SLC25A21: variants seen among roughly 807,000 people sequenced by gnomAD.
SLC25A21 encodes the protein solute carrier family 25 member 21.
In SLC25A21, 47 loss-of-function variants were observed where a neutral mutation model predicts 43.8. The ratio of observed to expected loss-of-function variants is 1.07; its 90% CI spans 0.85 to 1.37. The LOEUF (loss-of-function observed/expected upper bound fraction) is 1.37, where lower values mean the gene tolerates loss of function less well. SLC25A21 is among the 40% of genes most tolerant of loss of function. The pLI, the probability that SLC25A21 is intolerant of heterozygous loss-of-function variation, is 0.00. For missense variants in SLC25A21, 352 were observed against 350.2 expected (o/e 1.00, Z -0.04); for synonymous variants, 131 against 121.3 (o/e 1.08, Z -0.52).
intron 1 of SLC25A21, among the ~76,000 whole-genome samples, chr14:37,153,275 G>A (rs1963789974): frequency 1.3e-5 from 2 of 152,184 alleles, no homozygotes; most frequent in Non-Finnish European, 2.9e-5. Context: ...CTCATAAACT[G>A]CACACTGTCC....
chr14:36,816,033 T>C (rs1395565677), intron 2 of SLC25A21, among the ~76,000 whole-genome samples: 1 of 152,228 alleles, frequency 6.6e-6, no homozygotes, highest in Non-Finnish European at 1.5e-5. Flanking sequence ...AGAATTATGC[T>C]ACAAACTGAC....
At chr14:36,997,781 T>C (rs367591329) in intron 1 of SLC25A21, among the ~76,000 whole-genome samples, 18 of 151,554 alleles carry the variant, frequency 1.2e-4, no homozygotes, top group African/African-American at 4.4e-4. Flanking sequence ...GATTGCACCA[T>C]TGCACTGCAG....
intron 1 of SLC25A21, among the ~76,000 whole-genome samples, chr14:36,910,523 T>A (rs1891659916): frequency 6.6e-6 from 1 of 152,086 alleles, no homozygotes; most frequent in Admixed American, 6.6e-5. Flanking sequence ...AAAAAAATAG[T>A]GCCTGGAATT....
chr14:36,737,409 CT>C (rs1885086495), intron 3 of SLC25A21, among the ~76,000 whole-genome samples: 1 of 152,176 alleles, frequency 6.6e-6, no homozygotes, highest in Non-Finnish European at 1.5e-5. Flanking sequence ...ATGTGCCCTA[CT>C]TCCCTTCTCT....
At chr14:36,792,964 C>T (rs1887541723) in intron 3 of SLC25A21, among the ~76,000 whole-genome samples, 1 of 152,154 alleles carries the variant, frequency 6.6e-6, no homozygotes, top group South Asian at 2.1e-4. Context: ...ATCTCTTCCT[C>T]AAACATCCCT....
chr14:36,773,382 T>TA (rs1886698689), intron 3 of SLC25A21, among the ~76,000 whole-genome samples: 1 of 152,158 alleles, frequency 6.6e-6, no homozygotes, highest in Admixed American at 6.5e-5. Flanking sequence ...TTATAACTGA[T>TA]AAGCCACAAC....
chr14:36,684,972 C>T (rs1439235045), intron 7 of SLC25A21, 47 bp from the exon 8 acceptor site: 3 of 1,515,802 alleles, frequency 2.0e-6, no homozygotes, highest in Non-Finnish European at 2.7e-6. Context: ...GCGGAAGCCC[C>T]TAAATCAGTT....
At chr14:36,869,273 G>A (rs538341948) in intron 2 of SLC25A21, among the ~76,000 whole-genome samples, 1 of 152,282 alleles carries the variant, frequency 6.6e-6, no homozygotes, top group African/African-American at 2.4e-5. Flanking sequence ...TACTCAGAGT[G>A]GGTGTATTCT....
At chr14:36,818,669 ACTTATTCTGAT>A (rs2138455637) in intron 2 of SLC25A21, among the ~76,000 whole-genome samples, 2 of 152,308 alleles carry the variant, frequency 1.3e-5, no homozygotes, top group South Asian at 4.1e-4. Context: ...ATTACACATG[ACTTATTCTGAT>A]CACAGAGTTA....
chr14:36,943,898 C>T (rs1892624481), intron 1 of SLC25A21, among the ~76,000 whole-genome samples: 1 of 151,996 alleles, frequency 6.6e-6, no homozygotes, highest in Non-Finnish European at 1.5e-5. Flanking sequence ...TTCCCTGTAA[C>T]AAGTTTAATT....
chr14:37,020,753 G>A (rs953050498), intron 1 of SLC25A21, among the ~76,000 whole-genome samples: 3 of 151,798 alleles, frequency 2.0e-5, no homozygotes, highest in African/African-American at 4.8e-5. Flanking sequence ...TTGAAAAAGG[G>A]CAGACCTAAC....
At chr14:36,847,947 A>C (rs1889598371) in intron 2 of SLC25A21, among the ~76,000 whole-genome samples, 1 of 152,160 alleles carries the variant, frequency 6.6e-6, no homozygotes, top group Admixed American at 6.5e-5. Flanking sequence ...CCAACAGTGG[A>C]AGGGGGGCCC....
At chr14:36,813,233 A>T (rs1479263360) in intron 3 of SLC25A21, among the ~76,000 whole-genome samples, 1 of 152,146 alleles carries the variant, frequency 6.6e-6, no homozygotes, top group Non-Finnish European at 1.5e-5. Flanking sequence ...CTTCCAACAG[A>T]CACACGCACA....
chr14:36,704,737 A>G (rs1165295261), intron 7 of SLC25A21, among the ~76,000 whole-genome samples: 1 of 152,086 alleles, frequency 6.6e-6, no homozygotes, highest in Non-Finnish European at 1.5e-5. Context: ...GCATTACATG[A>G]TACAGTCGAA....
At chr14:36,862,816 TC>T (rs1184453246) in intron 2 of SLC25A21, among the ~76,000 whole-genome samples, 10 of 152,176 alleles carry the variant, frequency 6.6e-5, no homozygotes, top group African/African-American at 9.7e-5. Flanking sequence ...TAGAAAAATA[TC>T]CCGTTTGTTT....
At chr14:36,892,085 T>C (rs2138583966) in intron 1 of SLC25A21, among the ~76,000 whole-genome samples, 1 of 152,222 alleles carries the variant, frequency 6.6e-6, no homozygotes, top group Non-Finnish European at 1.5e-5. Flanking sequence ...CCAAACATAG[T>C]TTGTCAGACA....
intron 1 of SLC25A21, among the ~76,000 whole-genome samples, chr14:36,970,309 G>A (rs932072749): frequency 1.3e-5 from 2 of 152,046 alleles, no homozygotes; most frequent in Non-Finnish European, 2.9e-5. Flanking sequence ...AACCAGAATA[G>A]GTGCTCAAGA....
intron 1 of SLC25A21, among the ~76,000 whole-genome samples, chr14:36,971,493 G>T (rs1036113026): frequency 6.6e-6 from 1 of 151,998 alleles, no homozygotes; most frequent in Non-Finnish European, 1.5e-5. Context: ...AGCCTTTCCT[G>T]CGTCCTATGT....
rs61994921 is a variant in SLC25A21 at position 36,679,011 on chromosome 14, C to A, written c.*1647G>T. ...TATCTCATAGATGGTAAAAGTGTTG[C>A]TTTTAAACTGGCAAATGCACTCTTC... On this transcript the variant is annotated 3_prime_UTR_variant, in exon 10 of 10. Coordinates refer to ENST00000331299, the MANE Select transcript of SLC25A21 (RefSeq NM_030631.4). The A allele has an allele frequency of 0.14, 134,669 of 950,152 alleles. 10,001 individuals carry two copies. The highest frequency in any genetic ancestry group is 0.34 in the Admixed American group (4,990 of 14,730). 58.9% of individuals were successfully genotyped at this position (950,152 alleles called of 1,614,324 possible). A position where few individuals can be genotyped will look rare whatever the true frequency, so the allele number is the denominator to read the frequency against.
Sources: gnomAD v4.1 joint callset for allele counts (sites outside exome capture counted in the v4.1 genomes callset) on GRCh38, gnomAD v4.1.1 for gene constraint, MANE v1.5 for transcripts, NCBI Gene and HGNC (gene_info 2026-07-23, HGNC 2026-07-21) for gene names.